MAP1B: variants seen among roughly 807,000 people sequenced by gnomAD.
The protein encoded by MAP1B is microtubule-associated protein 1B.
Under a neutral mutation model 176.1 loss-of-function variants are expected in MAP1B, and 12 were observed. The ratio of observed to expected loss-of-function variants is 0.07; its 90% confidence interval spans 0.04 to 0.11. The LOEUF (loss-of-function observed/expected upper bound fraction) is 0.11, where lower values mean the gene tolerates loss of function less well. MAP1B is among the 10% of genes least tolerant of loss of function. The probability of loss-of-function intolerance (pLI) is 1.00; values close to 1 mark genes in which losing one functional copy is unlikely to be tolerated. For missense variants in MAP1B, 2,523 were observed against 2,990.5 expected, an observed-to-expected ratio of 0.84 and a Z score of 3.65; for synonymous variants, 1,044 against 1,135.0, an observed-to-expected ratio of 0.92 and a Z score of 1.61.
chr5:72,115,811 G>C lies in MAP1B; in HGVS notation c.286+12G>C, dbSNP rs769290690. Reference sequence around the variant, plus strand: ...TCCTGAAGTCCCAGGTGAGGCTTCCGCTCAGTGTTGGTCAGCCTAGAATTC... The same window carrying C: ...TCCTGAAGTCCCAGGTGAGGCTTCCCCTCAGTGTTGGTCAGCCTAGAATTC... On this transcript the variant is annotated intron_variant, in intron 2 of 6. Coordinates refer to ENST00000296755, the MANE Select transcript of MAP1B (RefSeq NM_005909.5). 1 of 1,582,360 alleles carries C rather than the reference G, an allele frequency of 6.3e-7. No individual in the cohort carries two copies. Among genetic ancestry groups the C allele is most frequent in the Non-Finnish European group, 8.7e-7 (1 of 1,151,374 alleles).
intron 2 of MAP1B, among the ~76,000 whole-genome samples, chr5:72,177,373 G>A (rs1247483840): frequency 4.6e-5 from 7 of 152,140 alleles, no homozygotes; most frequent in Non-Finnish European, 8.8e-5. Flanking sequence ...ATGATGTGGT[G>A]GGATGGAGGG....
intron 1 of MAP1B, among the ~76,000 whole-genome samples, chr5:72,112,141 T>A (rs970500254): frequency 1.3e-4 from 20 of 152,192 alleles, no homozygotes; most frequent in African/African-American, 4.8e-4. Context: ...TCTAGGTTAA[T>A]GATTTAGGTA....
In MAP1B at chr5:72,198,060, G is replaced by T; in HGVS notation, c.4705G>T (p.Asp1569Tyr). Residue 1569 changes from aspartate (D) to tyrosine (Y), a missense_variant, in exon 5 of 7, where the codon GAT (aspartate) becomes TAT (tyrosine). Around this residue, in one of 4 missense-constraint regions of MAP1B, gnomAD observed 1,925 missense variants for 2,126.0 expected, o/e 0.91. Coordinates refer to ENST00000296755, the MANE Select transcript of MAP1B (RefSeq NM_005909.5). The stretch of plus-strand genomic sequence containing the variant: ...CTCATTTCCAGAGCCAACAACAGAT[G>T]ATGTGTCTCCATCTCTGCATGCTGA... ...TSSFPEPTTD[D>Y]VSPSLHAEVG... 6.2e-7 allele frequency: 1 copy of T among 1,614,202 alleles called. No homozygotes were observed. The highest frequency in any genetic ancestry group is 8.5e-7 in the Non-Finnish European group (1 of 1,180,034).
In MAP1B at chr5:72,199,553, C is replaced by T. The variant is rs1224115050; in HGVS notation, c.6198C>T (p.Tyr2066=). ...CCTACGAGACTTCAGACCTATGCTA[C>T]ACTGCAGAAAAGAAGTCCCCCTCAG... ...TYSYETSDLC[Y]TAEKKSPSEA... Residue 2066 remains tyrosine (Y), a synonymous_variant, in exon 5 of 7, where the codon TAC becomes TAT. Coordinates refer to ENST00000296755, the MANE Select transcript of MAP1B (RefSeq NM_005909.5). This position sits in a 1 kb window ranked among gnomAD's most constrained non-coding sequence, Gnocchi z 4.2. 6.2e-6 allele frequency: 10 copies of T among 1,614,168 alleles called. No homozygotes were observed. Among genetic ancestry groups the T allele is most frequent in the Non-Finnish European group, 8.5e-6 (10 of 1,179,996 alleles).
intron 2 of MAP1B, chr5:72,179,964 G>A: frequency 5.1e-6 from 5 of 980,600 alleles, no homozygotes; most frequent in Non-Finnish European, 6.1e-6. Flanking sequence ...AAGCCAAAGA[G>A]GAAAGGAACT....
intron 5 of MAP1B, 93 bp from the exon 6 acceptor site, chr5:72,203,470 T>C: frequency 1.1e-6 from 1 of 880,376 alleles, no homozygotes; most frequent in East Asian, 2.4e-5. Context: ...TGTGATTGAA[T>C]AGGGAAGGTG....
At chr5:72,154,689 A>G (rs146771941) in intron 2 of MAP1B, among the ~76,000 whole-genome samples, 2 of 152,284 alleles carry the variant, frequency 1.3e-5, no homozygotes, top group East Asian at 3.9e-4. Flanking sequence ...AGTTGTGACC[A>G]GGCTTGGGAA....
rs1378030354 is a variant in MAP1B at position 72,205,165 on chromosome 5, A to G, written c.7333A>G (p.Ile2445Val). Reference protein sequence around the residue: ...ETHEKQQDLNIMVLASSSTVV... With the variant: ...ETHEKQQDLNVMVLASSSTVV... The stretch of plus-strand genomic sequence containing the variant: ...CCATGAGAAACAGCAAGATCTCAAC[A>G]TCATGGTTTTAGCAAGCAGCAGCAC... The change falls in exon 7 of 7, where the codon ATC becomes GTC. Residue 2445 changes from isoleucine (I) to valine (V), a missense_variant. Transcript: ENST00000296755. 1.2e-6 allele frequency: 2 copies of G among 1,613,968 alleles called. No individual in the cohort carries two copies. Among genetic ancestry groups the G allele is most frequent in the Non-Finnish European group, 1.7e-6 (2 of 1,179,882 alleles).
intron 2 of MAP1B, chr5:72,179,970 G>T: frequency 1.0e-6 from 1 of 978,358 alleles, no homozygotes; most frequent in Non-Finnish European, 1.2e-6. Context: ...AAGAGGAAAG[G>T]AACTGCCGGT....
intron 1 of MAP1B, among the ~76,000 whole-genome samples, chr5:72,108,612 C>T (rs1745199930): frequency 6.6e-6 from 1 of 152,154 alleles, no homozygotes; most frequent in Non-Finnish European, 1.5e-5. Flanking sequence ...GGCACAGCCT[C>T]GGGCGCACAG....
At chr5:72,183,876 G>T in intron 3 of MAP1B, 51 bp downstream of exon 3, 1 of 1,481,730 alleles carries the variant, frequency 6.7e-7, no homozygotes, top group South Asian at 1.1e-5. Context: ...ACACTGGATA[G>T]GGACCCAGTG....
chr5:72,129,920 GC>G lies in MAP1B; in HGVS notation c.286+14123del, dbSNP rs1418308774. Reference sequence around the variant, plus strand: ...ACACATAGAACAGAGACTATTTGGAGCCTTTGGAATAACATTCCAGCGTATA... The same window carrying G: ...ACACATAGAACAGAGACTATTTGGAGCTTTGGAATAACATTCCAGCGTATA... On this transcript the variant is annotated intron_variant, in intron 2 of 6. Transcript: ENST00000296755. Among the ~76,000 whole-genome samples the G allele has an allele frequency of 1.1e-4, 16 of 152,218 alleles. No individual in the cohort carries two copies. In the East Asian group the frequency reaches 2.5e-3, roughly 24 times the overall value.
At chr5:72,183,087 T>C (rs1021204543) in intron 2 of MAP1B, among the ~76,000 whole-genome samples, 1 of 152,214 alleles carries the variant, frequency 6.6e-6, no homozygotes, top group Non-Finnish European at 1.5e-5. Flanking sequence ...CACCAACGCC[T>C]TGCTTTGTTG....
At chr5:72,145,712 C>A (rs1010561420) in intron 2 of MAP1B, among the ~76,000 whole-genome samples, 3 of 152,172 alleles carry the variant, frequency 2.0e-5, no homozygotes, top group Non-Finnish European at 4.4e-5. Flanking sequence ...AGGCCCCATA[C>A]AATGATGATG....
intron 2 of MAP1B, chr5:72,179,900 G>T: frequency 1.0e-6 from 1 of 985,534 alleles, no homozygotes; most frequent in Non-Finnish European, 1.2e-6. Flanking sequence ...GACTTGGAAG[G>T]AGTGGAGGTA....
At chr5:72,122,923 G>T (rs2112130544) in intron 2 of MAP1B, among the ~76,000 whole-genome samples, 1 of 152,274 alleles carries the variant, frequency 6.6e-6, no homozygotes, top group South Asian at 2.1e-4. Context: ...ACCAAAGAGA[G>T]CTCATGATTT....
At position 72,107,739 on chromosome 5, in the gene MAP1B, G is replaced by A. The variant is rs371173174; in HGVS notation, c.184+24G>A. 1.9e-6 allele frequency: 3 copies of A among 1,596,266 alleles called. No individual in the cohort carries two copies. The African/African-American group carries it at 4.0e-5, about 21-fold the overall frequency. ...CGGTAAGTGGCCCCGCGCCCCCAGAGACGCGCGCTGGGAGACGCGCAAACA... is the reference window on the plus strand; with the variant it reads ...CGGTAAGTGGCCCCGCGCCCCCAGAAACGCGCGCTGGGAGACGCGCAAACA... On this transcript the variant is annotated intron_variant, in intron 1 of 6. Transcript: ENST00000296755.
intron 2 of MAP1B, among the ~76,000 whole-genome samples, chr5:72,126,586 G>A (rs914684107): frequency 8.5e-5 from 13 of 152,168 alleles, no homozygotes; most frequent in Non-Finnish European, 1.8e-4. Context: ...AATGATTGCT[G>A]AGTCCCTTCC....
chr5:72,193,342 C>CCT, intron 4 of MAP1B: 2 of 215,196 alleles, frequency 9.3e-6, no homozygotes, highest in South Asian at 3.9e-5. Flanking sequence ...TCCATCAGGC[C>CCT]TTTTTTTTTT....
Sources: allele counts gnomAD v4.1 joint callset (sites outside exome capture counted in the v4.1 genomes callset), GRCh38; gene constraint gnomAD v4.1.1; regional missense constraint gnomAD v4.1.1; non-coding constraint Gnocchi (gnomAD v3.1); transcripts MANE v1.5; gene names NCBI Gene and HGNC (gene_info 2026-07-23, HGNC 2026-07-21).